The following ZNF589 variants were observed in gnomAD, a reference collection of about 807,000 sequenced individuals.
The protein encoded by ZNF589 is KRAB-zinc finger protein SZF1-1.
ZNF589 carries 17 observed loss-of-function variants against 13.6 expected under a neutral mutation model. The observed-to-expected ratio is 1.25, with a 90% CI of 0.86 to 1.88. ZNF589 has a LOEUF of 1.88. ZNF589 is among the 40% of genes most tolerant of loss of function. The probability of loss-of-function intolerance (pLI) is 0.00; values close to 1 mark genes in which losing one functional copy is unlikely to be tolerated. For synonymous variants in ZNF589, 148 were observed against 161.6 expected (o/e 0.92, Z 0.64); for missense variants, 407 against 434.0 (o/e 0.94, Z 0.55).
At chr3:48,249,097 CT>C (rs201488055) in intron 2 of ZNF589, among the ~76,000 whole-genome samples, 1 of 135,576 alleles carries the variant, frequency 7.4e-6, no homozygotes, top group African/African-American at 2.7e-5. Flanking sequence ...CTGCCCCAAC[CT>C]TTTTTTTTCT....
rs895835397 is a variant in ZNF589, at chr3:48,241,113, A to C, written c.-59A>C. ...GCCAGTGGCCCGCGGTGCGCATTCT[A>C]ATCCGTTTCACACACGGTGCTGCTA... On this transcript the variant is annotated 5_prime_UTR_variant, in exon 1 of 4. Transcript: ENST00000354698. 6.2e-7 allele frequency: 1 copy of C among 1,608,842 alleles called. No individual in the cohort carries two copies. The highest frequency in any genetic ancestry group is 1.3e-5 in the African/African-American group (1 of 74,896).
chr3:48,253,919 C>T (rs1448071060), intron 2 of ZNF589, among the ~76,000 whole-genome samples: 1 of 152,072 alleles, frequency 6.6e-6, no homozygotes, highest in East Asian at 1.9e-4. Context: ...AGCAAGAACC[C>T]ATCTCTATAA....
chr3:48,247,624 G>A lies in ZNF589; in HGVS notation c.44-1G>A. On this transcript the variant is annotated splice_acceptor_variant, in intron 1 of 3. Coordinates refer to ENST00000354698, the MANE Select transcript of ZNF589 (RefSeq NM_016089.3). LOFTEE classifies it high-confidence loss of function. The stretch of plus-strand genomic sequence containing the variant: ...TCAAGGTTGCTTCTTTCTTTCCCCA[G>A]CTCTGCCTGCCAAGGATTCTGCCTG... The A allele has an allele frequency of 6.2e-7, 1 of 1,611,996 alleles. No homozygotes were observed. The highest frequency in any genetic ancestry group is 8.5e-7 in the Non-Finnish European group (1 of 1,179,104).
At chr3:48,243,570 G>C (rs1323103573) in intron 1 of ZNF589, among the ~76,000 whole-genome samples, 1 of 151,914 alleles carries the variant, frequency 6.6e-6, no homozygotes, top group Non-Finnish European at 1.5e-5. Context: ...ACAGCACTTT[G>C]GGAGGCTGAG....
intron 2 of ZNF589, among the ~76,000 whole-genome samples, chr3:48,248,580 T>G (rs1312195719): frequency 3.3e-5 from 5 of 152,196 alleles, no homozygotes; most frequent in Non-Finnish European, 7.3e-5. Context: ...ACCAGAAATT[T>G]AATTTATTGG....
At chr3:48,255,365 G>A (rs1342485328) in intron 2 of ZNF589, among the ~76,000 whole-genome samples, 20 of 151,378 alleles carry the variant, frequency 1.3e-4, no homozygotes, top group Admixed American at 1.3e-3. Context: ...TAGTGGAGAC[G>A]GGGTTTCACC....
intron 1 of ZNF589, among the ~76,000 whole-genome samples, chr3:48,241,416 G>A (rs1171236498): frequency 6.6e-6 from 1 of 152,238 alleles, no homozygotes; most frequent in African/African-American, 2.4e-5. Flanking sequence ...CTCACTCCAC[G>A]ACTCTTCACC....
intron 3 of ZNF589, among the ~76,000 whole-genome samples, chr3:48,265,027 G>A (rs1000536478): frequency 2.0e-5 from 3 of 149,790 alleles, no homozygotes; most frequent in East Asian, 2.0e-4. Context: ...GCTGGAGTGC[G>A]ATGGTGTGAT....
rs1388762923 is a variant in ZNF589, at chr3:48,268,429, G to C, written c.738G>C (p.Gln246His). The C allele has an allele frequency of 5.6e-6, 9 of 1,614,264 alleles. No individual in the cohort carries two copies. Among genetic ancestry groups the C allele is most frequent in the Non-Finnish European group, 5.1e-6 (6 of 1,180,046 alleles). Reference sequence around the variant, plus strand: ...CAGAAAAATCTTCAGACAAAAGGCAGTCACAGGTGTGCAGGGAGTGTGGGC... The same window carrying C: ...CAGAAAAATCTTCAGACAAAAGGCACTCACAGGTGTGCAGGGAGTGTGGGC... ...VTAEKSSDKR[Q>H]SQVCRECGRG... The change falls in exon 4 of 4, where the codon CAG becomes CAC. Residue 246 changes from glutamine to histidine, a missense_variant. Gln to His is a conservative substitution (Grantham distance 24). Transcript: ENST00000354698.
rs555316005 is a variant in ZNF589, at chr3:48,269,998, A to C, written c.*1212A>C. 1 of 457,016 alleles carries C rather than the reference A, an allele frequency of 2.2e-6. No homozygotes were observed. The highest frequency in any genetic ancestry group is 2.3e-5 in the Admixed American group (1 of 42,556). The allele number at this position is 457,016 out of a possible 1,614,324, so 28.3% of individuals were successfully genotyped here. On this transcript the variant is annotated 3_prime_UTR_variant, in exon 4 of 4. Coordinates refer to ENST00000354698, the MANE Select transcript of ZNF589 (RefSeq NM_016089.3). ...GACCCCTTACATTCCTTTAGATGTG[A>C]AGATGACAGAGATCTAACTTCTGAG...
At chr3:48,256,431 C>A in intron 2 of ZNF589, 1 of 554,052 alleles carries the variant, frequency 1.8e-6, no homozygotes, top group South Asian at 1.6e-5. Flanking sequence ...ACGCCCTGTT[C>A]CAGGGGAGGC....
intron 3 of ZNF589, among the ~76,000 whole-genome samples, chr3:48,263,335 A>C (rs2033986000): frequency 6.6e-6 from 1 of 152,118 alleles, no homozygotes; most frequent in Non-Finnish European, 1.5e-5. Context: ...GTCTCAAACT[A>C]CTGACCTCAG....
Position 48,269,080 on chromosome 3 carries a change from G to T in ZNF589, c.*294G>T. 1 of 653,810 alleles carries T rather than the reference G, an allele frequency of 1.5e-6. No homozygotes were observed. Among genetic ancestry groups the T allele is most frequent in the Non-Finnish European group, 2.7e-6 (1 of 374,104 alleles). 40.5% of individuals were successfully genotyped at this position (653,810 alleles called of 1,614,324 possible). A position where few individuals can be genotyped will look rare whatever the true frequency, so the allele number is the denominator to read the frequency against. ...GGAGGATAGTCCTCAATGGACACTG[G>T]AGGACACACACGGGAGAGAAGCCTT... On this transcript the variant is annotated 3_prime_UTR_variant, in exon 4 of 4. Coordinates refer to ENST00000354698, the MANE Select transcript of ZNF589 (RefSeq NM_016089.3).
chr3:48,261,995 T>A (rs2033972533), intron 3 of ZNF589, among the ~76,000 whole-genome samples: 1 of 152,208 alleles, frequency 6.6e-6, no homozygotes, highest in Admixed American at 6.5e-5. Flanking sequence ...TGATTCAAAT[T>A]AATCTTGACC....
In ZNF589 at chr3:48,268,497, C is replaced by G. The variant is rs1169506041; in HGVS notation, c.806C>G (p.Thr269Arg). The G allele has an allele frequency of 3.1e-6, 5 of 1,613,114 alleles. No individual in the cohort carries two copies. The South Asian group carries it at 5.5e-5, about 18-fold the overall frequency. Residue 269 changes from threonine to arginine, a missense_variant, in exon 4 of 4, where the codon ACA becomes AGA. Transcript: ENST00000354698. ...RKSQLIIHQR[T>R]HTGEKPYVCG... ...TCACAGCTCATCATACACCAGAGGACACACACAGGAGAAAAGCCTTATGTC... is the reference window on the plus strand; with the variant it reads ...TCACAGCTCATCATACACCAGAGGAGACACACAGGAGAAAAGCCTTATGTC...
At chr3:48,260,255 A>C (rs148452200) in intron 2 of ZNF589, among the ~76,000 whole-genome samples, 10 of 152,140 alleles carry the variant, frequency 6.6e-5, no homozygotes, top group African/African-American at 2.4e-4. Context: ...CTCCTACCTC[A>C]GCCTCCTGGG....
chr3:48,261,881 C>G (rs2033971752), intron 3 of ZNF589, among the ~76,000 whole-genome samples: 1 of 152,176 alleles, frequency 6.6e-6, no homozygotes, highest in Non-Finnish European at 1.5e-5. Context: ...TTCAATTGGC[C>G]AATCTGATTT....
intron 2 of ZNF589, chr3:48,258,027 AT>A: frequency 7.6e-6 from 3 of 395,622 alleles, no homozygotes; most frequent in South Asian, 5.7e-5. Flanking sequence ...GCCTTATCAT[AT>A]ATATTAGGAT....
At chr3:48,242,173 C>T (rs547270638) in intron 1 of ZNF589, among the ~76,000 whole-genome samples, 37 of 151,574 alleles carry the variant, frequency 2.4e-4, no homozygotes, top group African/African-American at 9.0e-4. Flanking sequence ...GTGCAGTGGG[C>T]GATCTCTGCT....
Sources: gnomAD v4.1 joint callset for allele counts (sites outside exome capture counted in the v4.1 genomes callset) on GRCh38, gnomAD v4.1.1 for gene constraint, MANE v1.5 for transcripts, NCBI Gene and HGNC (gene_info 2026-07-23, HGNC 2026-07-21) for gene names.